KLRG1: variants seen among roughly 807,000 people sequenced by gnomAD.
KLRG1 encodes killer cell lectin like receptor G1.
In KLRG1, 16 loss-of-function variants were observed where a neutral mutation model predicts 21.8. The observed-to-expected ratio is 0.73, with a 90% confidence interval of 0.50 to 1.11. The LOEUF (loss-of-function observed/expected upper bound fraction) is 1.11. Among genes scored for constraint, KLRG1 ranks in the 50% most tolerant of loss-of-function variants. KLRG1 has a pLI of 0.00. For missense variants in KLRG1, 173 were observed against 218.3 expected (o/e 0.79, Z 1.31); for synonymous variants, 69 against 75.9 (o/e 0.91, Z 0.47).
the KLRG1 span, among the ~76,000 whole-genome samples, chr12:9,031,731 C>T: frequency 6.6e-6 from 1 of 152,210 alleles, no homozygotes; most frequent in African/African-American, 2.4e-5. Flanking sequence ...ATCAATCAAA[C>T]ACACTTAAGA....
chr12:9,108,979 TTA>T, the KLRG1 span, among the ~76,000 whole-genome samples: 1 of 152,152 alleles, frequency 6.6e-6, no homozygotes, highest in South Asian at 2.1e-4. Flanking sequence ...ATACGTTTGG[TTA>T]TTTTTGGTTA....
At chr12:9,158,757 CTTTTTT>C in the KLRG1 span, among the ~76,000 whole-genome samples, 12 of 125,394 alleles carry the variant, frequency 9.6e-5, no homozygotes, top group Non-Finnish European at 1.1e-4. Context: ...CTTTTCTTTT[CTTTTTT>C]TTTTTTTTTT....
the KLRG1 span, among the ~76,000 whole-genome samples, chr12:9,197,602 AAT>A: frequency 4.8e-5 from 5 of 104,772 alleles, no homozygotes; most frequent in Non-Finnish European, 6.9e-5. Context: ...ATATAAATAT[AAT>A]ATATATTATA....
At chr12:9,206,795 C>T in the KLRG1 span, among the ~76,000 whole-genome samples, 7 of 151,986 alleles carry the variant, frequency 4.6e-5, no homozygotes, top group Non-Finnish European at 8.8e-5. Context: ...GCAGACACAA[C>T]GTAAAAGGAT....
the KLRG1 span, among the ~76,000 whole-genome samples, chr12:9,155,092 T>C: frequency 6.6e-6 from 1 of 152,212 alleles, no homozygotes; most frequent in South Asian, 2.1e-4. Context: ...TCCAATGTTA[T>C]TTTAGTTGGA....
the KLRG1 span, among the ~76,000 whole-genome samples, chr12:9,134,705 G>A: frequency 6.6e-6 from 1 of 152,100 alleles, no homozygotes; most frequent in African/African-American, 2.4e-5. Context: ...TGAGCATAAT[G>A]TCCTCAAGAT....
the KLRG1 span, chr12:9,095,805 C>A: frequency 4.0e-6 from 4 of 1,000,344 alleles, no homozygotes; most frequent in Non-Finnish European, 4.2e-6. Context: ...CAGGCCGGAC[C>A]GCGGACTGCA....
chr12:9,122,303 G>A, the KLRG1 span, among the ~76,000 whole-genome samples: 3 of 152,194 alleles, frequency 2.0e-5, no homozygotes, highest in Non-Finnish European at 2.9e-5. Context: ...GTTTGCACAA[G>A]GTTGGTTCAT....
the KLRG1 span, chr12:9,152,843 G>A: frequency 6.2e-7 from 1 of 1,614,134 alleles, no homozygotes; most frequent in Non-Finnish European, 8.5e-7. Context: ...AGTGAGATCT[G>A]AAAGCTGGTG....
chr12:9,210,009 A>G, the KLRG1 span, among the ~76,000 whole-genome samples: 1 of 152,154 alleles, frequency 6.6e-6, no homozygotes, highest in African/African-American at 2.4e-5. Context: ...AACATTACAA[A>G]TAATACTGCT....
chr12:8,989,069 A>G (rs118085779), upstream of KLRG1, among the ~76,000 whole-genome samples: 5 of 152,214 alleles, frequency 3.3e-5, no homozygotes, highest in South Asian at 1.0e-3. Context: ...CCATCACACA[A>G]TTTGGACAAG....
At chr12:9,166,309 C>T in the KLRG1 span, 1 of 1,040,450 alleles carries the variant, frequency 9.6e-7, no homozygotes, top group East Asian at 2.6e-5. Flanking sequence ...CTCAGACTGT[C>T]CTAAAAGTCT....
At chr12:8,971,319 T>C (rs1026289843) in intron 1 of KLRG1, 2 of 152,164 alleles carry the variant, frequency 1.3e-5, no homozygotes, top group African/African-American at 4.8e-5. Flanking sequence ...AATTCTGTTT[T>C]TTTTCCATAA....
the KLRG1 span, chr12:9,095,660 G>A: frequency 1.6e-5 from 25 of 1,612,734 alleles, no homozygotes; most frequent in Non-Finnish European, 2.0e-5. Context: ...CAAAGGCCCA[G>A]GGAAGCCAGT....
chr12:9,101,260 A>G, the KLRG1 span: 1 of 1,517,054 alleles, frequency 6.6e-7, no homozygotes, highest in Admixed American at 2.0e-5. Flanking sequence ...AACACGCTTC[A>G]GTCTCACTTC....
the KLRG1 span, chr12:9,079,488 G>C: frequency 9.7e-7 from 1 of 1,031,322 alleles, no homozygotes; most frequent in Admixed American, 2.3e-5. Flanking sequence ...TTGGAGGTTG[G>C]AGAGTGGATA....
At chr12:9,047,843 T>C in the KLRG1 span, among the ~76,000 whole-genome samples, 3 of 152,214 alleles carry the variant, frequency 2.0e-5, no homozygotes, top group Admixed American at 2.0e-4. Flanking sequence ...TTTTGTATAC[T>C]TAACAACAGC....
At chr12:9,116,999 A>G in the KLRG1 span, among the ~76,000 whole-genome samples, 1 of 152,148 alleles carries the variant, frequency 6.6e-6, no homozygotes, top group Non-Finnish European at 1.5e-5. Context: ...CATAACCCAG[A>G]CCTGGAACCT....
chr12:8,961,604 A>G (rs1469114724), intron 1 of KLRG1, among the ~76,000 whole-genome samples: 1 of 151,036 alleles, frequency 6.6e-6, no homozygotes, highest in Non-Finnish European at 1.5e-5. Flanking sequence ...TTTTTTTAGT[A>G]GAGACAGAGT....
Sources: gnomAD v4.1 joint callset for allele counts (sites outside exome capture counted in the v4.1 genomes callset) on GRCh38, gnomAD v4.1.1 for gene constraint, MANE v1.5 for transcripts, NCBI Gene and HGNC (gene_info 2026-07-23, HGNC 2026-07-21) for gene names.